Variants in TDRD1 observed in about 807,000 individuals in gnomAD.
TDRD1 encodes the protein tudor domain-containing protein 1.
TDRD1 carries 37 observed loss-of-function variants against 140.6 expected under a neutral mutation model. That is an observed-to-expected ratio of 0.26 (90% CI 0.20 to 0.35). The LOEUF is 0.35. Among genes scored for constraint, TDRD1 ranks in the 10% least tolerant of loss-of-function variants. TDRD1 has a pLI of 1.00. For synonymous variants in TDRD1, 506 were observed against 475.7 expected, an observed-to-expected ratio of 1.06 and a Z score of -0.83; for missense variants, 1,243 against 1,393.0, an observed-to-expected ratio of 0.89 and a Z score of 1.71.
intron 20 of TDRD1, among the ~76,000 whole-genome samples, chr10:114,221,678 C>T (rs1414722411): frequency 6.6e-6 from 1 of 152,188 alleles, no homozygotes; most frequent in Non-Finnish European, 1.5e-5. Flanking sequence ...TCAGCACCTA[C>T]CTGCCCAGTA....
chr10:114,208,054 G>T (rs2035242379), intron 11 of TDRD1, among the ~76,000 whole-genome samples: 1 of 152,118 alleles, frequency 6.6e-6, no homozygotes, highest in Admixed American at 6.5e-5. Flanking sequence ...CCAGTGGGGA[G>T]TATGTTGCAA....
exon 26 of TDRD1, chr10:114,231,711 A>G: frequency 1.9e-6 from 1 of 517,916 alleles, no homozygotes; most frequent in Non-Finnish European, 3.3e-6. Context: ...AATATTACGT[A>G]AAAAATTCAT....
At chr10:114,222,344 A>G (rs2036193719) in intron 20 of TDRD1, among the ~76,000 whole-genome samples, 1 of 152,214 alleles carries the variant, frequency 6.6e-6, no homozygotes, top group African/African-American at 2.4e-5. Flanking sequence ...TTGATCAAGT[A>G]GTTGATCCAC....
At chr10:114,202,956 T>A in intron 6 of TDRD1, 116 bp from the exon 7 acceptor site, 1 of 716,254 alleles carries the variant, frequency 1.4e-6, no homozygotes, top group Non-Finnish European at 2.4e-6. Context: ...TCTGTGTTCT[T>A]TTGTTCAAGC....
intron 14 of TDRD1, among the ~76,000 whole-genome samples, 166 bp downstream of exon 14, chr10:114,212,202 C>G (rs759098382): frequency 6.6e-6 from 1 of 152,152 alleles, no homozygotes; most frequent in African/African-American, 2.4e-5. Context: ...AGATTTCTTT[C>G]CATGTCAATT....
chr10:114,193,282 C>T (rs1363869500), intron 3 of TDRD1, among the ~76,000 whole-genome samples: 1 of 140,332 alleles, frequency 7.1e-6, no homozygotes, highest in Non-Finnish European at 1.5e-5. Flanking sequence ...TGTGACCTTG[C>T]TGAAGTCTTT....
At chr10:114,231,459 T>C in intron 25 of TDRD1, 1 of 1,582,314 alleles carries the variant, frequency 6.3e-7, no homozygotes, top group African/African-American at 1.4e-5. Context: ...TAAGGCATAA[T>C]GATAGTTGAT....
chr10:114,199,104 C>T, intron 3 of TDRD1, 69 bp from the exon 4 acceptor site: 16 of 1,529,856 alleles, frequency 1.0e-5, no homozygotes, highest in Non-Finnish European at 1.4e-5. Context: ...CTGAAGTAGT[C>T]CCAAATCTAG....
intron 9 of TDRD1, 21 bp from the exon 10 acceptor site, chr10:114,204,701 A>C: frequency 6.4e-7 from 1 of 1,567,902 alleles, no homozygotes; most frequent in East Asian, 2.3e-5. Flanking sequence ...TTTTGTAAGT[A>C]ACCTGCGTAA....
Position 114,222,570 on chromosome 10 carries a change from G to C in TDRD1, c.2891-17G>C, listed in dbSNP as rs2036207096. The C allele has an allele frequency of 6.6e-7, 1 of 1,513,402 alleles. No individual in the cohort carries two copies. Among genetic ancestry groups the C allele is most frequent in the African/African-American group, 1.4e-5 (1 of 72,284 alleles). 93.7% of individuals were successfully genotyped at this position (1,513,402 alleles called of 1,614,324 possible). A position where few individuals can be genotyped will look rare whatever the true frequency, so the allele number is the denominator to read the frequency against. On this transcript the variant is annotated splice_polypyrimidine_tract_variant and intron_variant, in intron 20 of 25. Transcript: ENST00000251864. ...CTGGAAATTTTCTTCACAAAAGATT[G>C]CTTTTATATATTTTAGAAAATCAGG...
chr10:114,193,504 G>A (rs2120318550), intron 3 of TDRD1, among the ~76,000 whole-genome samples: 1 of 152,106 alleles, frequency 6.6e-6, no homozygotes, highest in Non-Finnish European at 1.5e-5. Context: ...ATGTTGATCA[G>A]GCCGGTCCCG....
intron 10 of TDRD1, among the ~76,000 whole-genome samples, chr10:114,205,580 C>T (rs2035043661): frequency 8.5e-5 from 13 of 152,174 alleles, no homozygotes; most frequent in Admixed American, 8.5e-4. Context: ...AAATTAATTT[C>T]CCACAAACAG....
chr10:114,199,238 G>C (rs1240817911), exon 4 of TDRD1: 1 of 1,614,098 alleles, frequency 6.2e-7, no homozygotes, highest in Admixed American at 1.7e-5. Context: ...AGAATTCCTT[G>C]TCCATAAGTA....
intron 3 of TDRD1, among the ~76,000 whole-genome samples, chr10:114,196,533 G>A (rs1452152308): frequency 6.6e-6 from 1 of 152,110 alleles, no homozygotes; most frequent in African/African-American, 2.4e-5. Context: ...TTACTGCCAT[G>A]TAGCTCTTTG....
intron 21 of TDRD1, 35 bp downstream of exon 21, chr10:114,222,738 G>GT: frequency 8.2e-7 from 1 of 1,215,034 alleles, no homozygotes; most frequent in Non-Finnish European, 1.2e-6. Context: ...TTGAGGGAAG[G>GT]TATTTAGTCT....
intron 12 of TDRD1, 54 bp downstream of exon 12, chr10:114,210,802 G>A (rs746191414): frequency 3.5e-5 from 56 of 1,612,480 alleles, no homozygotes; most frequent in Non-Finnish European, 4.8e-5. Flanking sequence ...CAAGAGACTT[G>A]ACATGTAGAA....
chr10:114,182,611 C>T (rs573950533), intron 1 of TDRD1, among the ~76,000 whole-genome samples: 3 of 152,218 alleles, frequency 2.0e-5, no homozygotes, highest in Non-Finnish European at 4.4e-5. Flanking sequence ...TTTCGGACAG[C>T]AGGTGTCATT....
chr10:114,206,181 G>A lies in TDRD1; in HGVS notation c.1298-63G>A, dbSNP rs900909911. 35 of 1,238,708 alleles carry A rather than the reference G, an allele frequency of 2.8e-5. 1 individual carries two copies. In the East Asian group the frequency reaches 6.4e-4, roughly 23 times the overall value. 76.7% of individuals were successfully genotyped at this position (1,238,708 alleles called of 1,614,324 possible). A position where few individuals can be genotyped will look rare whatever the true frequency, so the allele number is the denominator to read the frequency against. On this transcript the variant is annotated intron_variant, in intron 10 of 25. Transcript: ENST00000251864. ...TATGATTGACTTGTTTCTTCTTTAC[G>A]CTTTTCCCATAATTCTTTGTATAGT...
intron 21 of TDRD1, among the ~76,000 whole-genome samples, chr10:114,225,471 A>G (rs928011012): frequency 5.9e-5 from 9 of 151,938 alleles, no homozygotes; most frequent in Non-Finnish European, 8.8e-5. Context: ...CCATGGCTCT[A>G]CTAAATCATT....
Sources: gnomAD v4.1 joint callset for allele counts (sites outside exome capture counted in the v4.1 genomes callset) on GRCh38, gnomAD v4.1.1 for gene constraint, MANE v1.5 for transcripts, NCBI Gene and HGNC (gene_info 2026-07-23, HGNC 2026-07-21) for gene names.